GRIN3A: variants seen among roughly 807,000 people sequenced by gnomAD.
GRIN3A encodes the protein glutamate receptor ionotropic, NMDA 3A.
In GRIN3A, 47 loss-of-function variants were observed where a neutral mutation model predicts 92.4. The ratio of observed to expected loss-of-function variants is 0.51; its 90% CI spans 0.40 to 0.65. The LOEUF is 0.65. Among genes scored for constraint, GRIN3A ranks in the 30% least tolerant of loss-of-function variants. The pLI is 0.00. For synonymous variants in GRIN3A, 527 were observed against 540.6 expected (o/e 0.97, Z 0.35); for missense variants, 1,324 against 1,393.1 (o/e 0.95, Z 0.79).
intron 3 of GRIN3A, among the ~76,000 whole-genome samples, chr9:101,633,150 C>T (rs964491233): frequency 6.6e-6 from 1 of 151,980 alleles, no homozygotes; most frequent in Admixed American, 6.6e-5. Context: ...GTTGCTATAT[C>T]CAAGGTAGAT....
At chr9:101,719,189 C>T (rs1021217954) in intron 1 of GRIN3A, among the ~76,000 whole-genome samples, 20 of 152,042 alleles carry the variant, frequency 1.3e-4, no homozygotes, top group Admixed American at 5.9e-4. Context: ...GAGGCCGAAG[C>T]GGGCGGATCA....
In GRIN3A at chr9:101,653,784, C is replaced by CATTTTAT. The variant is rs140250775; in HGVS notation, c.2352+16269_2352+16275dup. Among the ~76,000 whole-genome samples the CATTTTAT allele has an allele frequency of 6.3e-3, 957 of 151,750 alleles. 6 individuals carry two copies. The highest frequency in any genetic ancestry group is 0.022 in the African/African-American group (927 of 41,456). On this transcript the variant is annotated intron_variant, in intron 3 of 8. Transcript: ENST00000361820. ...CATAATCTTTCTTGTATCTATTTTC[C>CATTTTAT]ATTTTATATGTATGATTGATAATTT...
intron 6 of GRIN3A, among the ~76,000 whole-genome samples, chr9:101,597,829 A>G (rs1234776655): frequency 1.3e-5 from 2 of 152,036 alleles, no homozygotes; most frequent in African/African-American, 2.4e-5. Flanking sequence ...TAGTATATAT[A>G]TGATAAAGGA....
intron 5 of GRIN3A, among the ~76,000 whole-genome samples, chr9:101,617,598 ATATTTTATTT>A (rs926960132): frequency 2.6e-5 from 4 of 151,936 alleles, no homozygotes; most frequent in Non-Finnish European, 5.9e-5. Context: ...TTGAATATTG[ATATTTTATTT>A]TATTTTATTT....
intron 2 of GRIN3A, among the ~76,000 whole-genome samples, chr9:101,674,112 C>A (rs1298636653): frequency 1.3e-5 from 2 of 151,722 alleles, no homozygotes; most frequent in Admixed American, 6.6e-5. Flanking sequence ...AGAGTGTGAG[C>A]TGTTTGACGA....
chr9:101,621,011 T>C (rs1380795511), intron 5 of GRIN3A, among the ~76,000 whole-genome samples: 1 of 152,140 alleles, frequency 6.6e-6, no homozygotes, highest in Non-Finnish European at 1.5e-5. Context: ...ATTTAGACTG[T>C]AGGTGGCTCA....
At chr9:101,667,438 A>G (rs1239304695) in intron 3 of GRIN3A, among the ~76,000 whole-genome samples, 1 of 151,960 alleles carries the variant, frequency 6.6e-6, no homozygotes, top group African/African-American at 2.4e-5. Flanking sequence ...GAAGGTGATC[A>G]TTCTTTCCTT....
intron 4 of GRIN3A, among the ~76,000 whole-genome samples, chr9:101,624,216 TTA>T (rs1313091442): frequency 6.6e-6 from 1 of 151,598 alleles, no homozygotes; most frequent in Non-Finnish European, 1.5e-5. Flanking sequence ...AAAATTTTTT[TTA>T]TTTTTTTATT....
At chr9:101,696,288 T>C (rs2118993162) in intron 1 of GRIN3A, among the ~76,000 whole-genome samples, 1 of 152,332 alleles carries the variant, frequency 6.6e-6, no homozygotes, top group Non-Finnish European at 1.5e-5. Flanking sequence ...ATTATAAAAA[T>C]AGAAGACATA....
intron 6 of GRIN3A, among the ~76,000 whole-genome samples, chr9:101,607,112 A>G (rs891159654): frequency 7.9e-5 from 12 of 151,502 alleles, no homozygotes; most frequent in Admixed American, 3.3e-4. Flanking sequence ...TGGACCTGCA[A>G]TTTCCTAAGT....
intron 1 of GRIN3A, among the ~76,000 whole-genome samples, chr9:101,730,999 T>C (rs1305506934): frequency 6.6e-6 from 1 of 152,142 alleles, no homozygotes; most frequent in Non-Finnish European, 1.5e-5. Flanking sequence ...AGGTCACACT[T>C]TACATACATT....
intron 8 of GRIN3A, 104 bp from the exon 9 acceptor site, chr9:101,573,617 G>A: frequency 1.1e-6 from 1 of 907,396 alleles, no homozygotes; most frequent in East Asian, 2.6e-5. Context: ...AGCTGGGTGT[G>A]CATTTAGAGA....
At position 101,648,622 on chromosome 9, in the gene GRIN3A, T is replaced by C. The variant is rs1588266063; in HGVS notation, c.2353-20221A>G. ...CCTTTAGTTCTATTAATATTTGTTC[T>C]ATGTATTTAGGTACTCCAGTGTTGA... On this transcript the variant is annotated intron_variant, in intron 3 of 8. Coordinates refer to ENST00000361820, the MANE Select transcript of GRIN3A (RefSeq NM_133445.3). Among the ~76,000 whole-genome samples the C allele has an allele frequency of 5.3e-5, 8 of 152,232 alleles. 1 individual carries two copies. In the South Asian group the frequency reaches 1.7e-3, roughly 32 times the overall value.
rs558878020 is a variant in GRIN3A at position 101,675,789 on chromosome 9, A to G, written c.1305-4682T>C. On this transcript the variant is annotated intron_variant, in intron 2 of 8. Transcript: ENST00000361820. ...TGAAATACTGTCATTTTGGGTAAAT[A>G]TTCTATGTGCTAATCAAAATGGGTG... Among the ~76,000 whole-genome samples the G allele has an allele frequency of 1.4e-4, 22 of 152,058 alleles. No individual in the cohort carries two copies. In the East Asian group the frequency reaches 3.7e-3, roughly 25 times the overall value.
At chr9:101,656,005 G>T (rs1251746510) in intron 3 of GRIN3A, among the ~76,000 whole-genome samples, 2 of 151,928 alleles carry the variant, frequency 1.3e-5, no homozygotes, top group Non-Finnish European at 2.9e-5. Flanking sequence ...CATTTCTTCA[G>T]AGAAGCTGGG....
At chr9:101,722,520 A>C (rs1564152577) in intron 1 of GRIN3A, among the ~76,000 whole-genome samples, 1 of 152,198 alleles carries the variant, frequency 6.6e-6, no homozygotes, top group Non-Finnish European at 1.5e-5. Flanking sequence ...GAAAAGCCGC[A>C]AACACTCAAC....
chr9:101,607,695 A>G (rs1214523881), intron 6 of GRIN3A, among the ~76,000 whole-genome samples: 1 of 152,254 alleles, frequency 6.6e-6, no homozygotes, highest in Non-Finnish European at 1.5e-5. Context: ...AGTAGGCTTC[A>G]AGGATGGCTT....
Position 101,573,333 on chromosome 9 carries a change from C to T in GRIN3A, c.3189G>A (p.Gly1063=). Residue 1063 remains glycine, a synonymous_variant, in exon 9 of 9, where the codon GGG becomes GGA. Transcript: ENST00000361820. Reference sequence around the variant, plus strand: ...GAGATACATTTAGGGAGTCTGCTTTCCCATTGGTGGTCCGCAAGGCAGGGA... The same window carrying T: ...GAGATACATTTAGGGAGTCTGCTTTTCCATTGGTGGTCCGCAAGGCAGGGA... ...RELPALRTTN[G]KADSLNVSRN... The T allele has an allele frequency of 6.2e-7, 1 of 1,614,058 alleles. No individual in the cohort carries two copies. The highest frequency in any genetic ancestry group is 8.5e-7 in the Non-Finnish European group (1 of 1,179,988).
At chr9:101,686,041 C>T (rs1487859735) in intron 2 of GRIN3A, among the ~76,000 whole-genome samples, 1 of 152,052 alleles carries the variant, frequency 6.6e-6, no homozygotes. Context: ...CTTTACTACT[C>T]TATACTGTCT....
Sources: gnomAD v4.1 joint callset for allele counts (sites outside exome capture counted in the v4.1 genomes callset) on GRCh38, gnomAD v4.1.1 for gene constraint, MANE v1.5 for transcripts, NCBI Gene and HGNC (gene_info 2026-07-23, HGNC 2026-07-21) for gene names.